LAYN: variants seen among roughly 807,000 people sequenced by gnomAD.
LAYN encodes the protein layilin.
LAYN carries 38 observed loss-of-function variants against 43.6 expected under a neutral mutation model. The ratio of observed to expected loss-of-function variants is 0.87; its 90% CI spans 0.67 to 1.14. The LOEUF (loss-of-function observed/expected upper bound fraction) is 1.14, where lower values mean the gene tolerates loss of function less well. Ranked by LOEUF, LAYN falls within the 50% of genes most tolerant of loss-of-function variation. The probability of loss-of-function intolerance (pLI) is 0.00; values close to 1 mark genes in which losing one functional copy is unlikely to be tolerated. For missense variants in LAYN, 479 were observed against 463.8 expected, an observed-to-expected ratio of 1.03 and a Z score of -0.30; for synonymous variants, 168 against 172.9, an observed-to-expected ratio of 0.97 and a Z score of 0.22.
intron 2 of LAYN, among the ~76,000 whole-genome samples, chr11:111,549,116 A>G (rs930974795): frequency 2.6e-5 from 4 of 152,154 alleles, no homozygotes; most frequent in East Asian, 3.8e-4. Flanking sequence ...GACAGCCTCT[A>G]TGTTTGGAAT....
Position 111,540,838 on chromosome 11 carries a change from C to G in LAYN, c.-6C>G, listed in dbSNP as rs1465391478. 1 of 1,522,574 alleles carries G rather than the reference C, an allele frequency of 6.6e-7. No individual in the cohort carries two copies. The highest frequency in any genetic ancestry group is 1.2e-5 in the South Asian group (1 of 82,730). The allele number at this position is 1,522,574 out of a possible 1,614,324, so 94.3% of individuals were successfully genotyped here. On this transcript the variant is annotated 5_prime_UTR_variant, in exon 1 of 7. Transcript: ENST00000375614. ...CGAGTGTCGGGGGGCGCACCCGAGT[C>G]GGGCCATGAGGCCGGGAACCGCGCT...
intron 2 of LAYN, among the ~76,000 whole-genome samples, chr11:111,544,699 C>G (rs1323372578): frequency 1.3e-5 from 2 of 152,186 alleles, no homozygotes; most frequent in African/African-American, 4.8e-5. Flanking sequence ...CATCAAGACT[C>G]ACTCATCCCC....
At chr11:111,546,615 G>GCAGTGGCAGA (rs1192225283) in intron 2 of LAYN, among the ~76,000 whole-genome samples, 1 of 152,254 alleles carries the variant, frequency 6.6e-6, no homozygotes, top group Non-Finnish European at 1.5e-5. Flanking sequence ...CTCTGGTCCA[G>GCAGTGGCAGA]CAGTGGCAGA....
intron 5 of LAYN, 103 bp from the exon 6 acceptor site, chr11:111,557,438 C>T: frequency 1.2e-6 from 1 of 850,278 alleles, no homozygotes. Flanking sequence ...TTTGGGGGTA[C>T]AAGTGGTTTT....
At position 111,560,581 on chromosome 11, in the gene LAYN, G is replaced by A. The variant is rs1591572722; in HGVS notation, c.*123G>A. On this transcript the variant is annotated 3_prime_UTR_variant, in exon 7 of 7. Transcript: ENST00000375614. ...AGCTTAGATCAGGTCCTGTGGATGA[G>A]CATGTGGTCCCCACGACCTCCTGTT... The A allele has an allele frequency of 8.9e-7, 1 of 1,126,180 alleles. No homozygotes were observed. Among genetic ancestry groups the A allele is most frequent in the Non-Finnish European group, 1.2e-6 (1 of 806,676 alleles). The allele number at this position is 1,126,180 out of a possible 1,614,324, so 69.8% of individuals were successfully genotyped here. A position where few individuals can be genotyped will look rare whatever the true frequency, so the allele number is the denominator to read the frequency against.
chr11:111,540,426 G>A (rs1361652938), upstream of LAYN: 3 of 209,712 alleles, frequency 1.4e-5, no homozygotes, highest in African/African-American at 2.4e-5. Context: ...GTGAGATGTG[G>A]TGCTAGTTTT....
rs1424681370 is a variant in LAYN at position 111,543,906 on chromosome 11, G to T, written c.86-17G>T. 1 of 1,591,946 alleles carries T rather than the reference G, an allele frequency of 6.3e-7. No individual in the cohort carries two copies. Among genetic ancestry groups the T allele is most frequent in the Non-Finnish European group, 8.5e-7 (1 of 1,171,660 alleles). ...CTTTTTGAGACACTGAAATAGATTGGCTTCTTTTTTCTCTAGGGCAGCCAG... is the reference window on the plus strand; with the variant it reads ...CTTTTTGAGACACTGAAATAGATTGTCTTCTTTTTTCTCTAGGGCAGCCAG... On this transcript the variant is annotated splice_polypyrimidine_tract_variant and intron_variant, in intron 1 of 6. Transcript: ENST00000375614.
Position 111,549,684 on chromosome 11 carries a change from G to C in LAYN, c.450G>C (p.Ser150=). 1 of 1,603,100 alleles carries C rather than the reference G, an allele frequency of 6.2e-7. No individual in the cohort carries two copies. The highest frequency in any genetic ancestry group is 8.5e-7 in the Non-Finnish European group (1 of 1,175,892). The change falls in exon 3 of 7, where the codon TCG becomes TCC. Residue 150 remains serine, a synonymous_variant. Transcript: ENST00000375614. ...EVCVVMYHQP[S]APAGIGGPYM... is the part of the protein sequence containing the mutation. ...GCGTGGTCATGTACCATCAGCCATC[G>C]GCACCCGCTGGCATCGGAGGCCCCT...
chr11:111,547,158 T>A (rs1011264636), intron 2 of LAYN, among the ~76,000 whole-genome samples: 2 of 152,228 alleles, frequency 1.3e-5, no homozygotes, highest in Non-Finnish European at 2.9e-5. Context: ...GTGCTATGCT[T>A]CATTCTTCAA....
chr11:111,541,451 C>A, intron 1 of LAYN: 1 of 1,079,166 alleles, frequency 9.3e-7, no homozygotes. Flanking sequence ...GTCGAGCGCC[C>A]GGTATGAGAG....
chr11:111,560,301 A>G lies in LAYN; in HGVS notation c.968A>G (p.Tyr323Cys). 1.9e-6 allele frequency: 3 copies of G among 1,614,220 alleles called. No individual in the cohort carries two copies. Among genetic ancestry groups the G allele is most frequent in the South Asian group, 2.2e-5 (2 of 91,082 alleles). Residue 323 changes from tyrosine to cysteine, a missense_variant, in exon 7 of 7, where the codon TAT becomes TGT. By Grantham distance (194) the Tyr-to-Cys change is radical (BLOSUM62 -2). Transcript: ENST00000375614. Reference protein sequence around the residue: ...EATPDDMSCDYDNMAVNPSES... With the variant: ...EATPDDMSCDCDNMAVNPSES... ...ACTCCCGATGACATGTCTTGTGACTATGACAACATGGCTGTGAACCCATCA... is the reference window on the plus strand; with the variant it reads ...ACTCCCGATGACATGTCTTGTGACTGTGACAACATGGCTGTGAACCCATCA...
intron 5 of LAYN, 27 bp from the exon 6 acceptor site, chr11:111,557,514 C>T: frequency 3.8e-6 from 6 of 1,572,012 alleles, no homozygotes; most frequent in Non-Finnish European, 5.3e-6. Flanking sequence ...ACAGCCAATG[C>T]TGATCATGTG....
chr11:111,554,230 T>C (rs1161368584), intron 3 of LAYN, among the ~76,000 whole-genome samples: 3 of 152,176 alleles, frequency 2.0e-5, no homozygotes, highest in Non-Finnish European at 4.4e-5. Context: ...AGCTGTACAT[T>C]GATAGGAGTT....
Position 111,549,563 on chromosome 11 carries a change from G to A in LAYN, c.384-55G>A, listed in dbSNP as rs1008975131. On this transcript the variant is annotated intron_variant, in intron 2 of 6. Transcript: ENST00000375614. ...GACTTGACGGGAAAACAAAGGCTTT[G>A]AAGTCTCAGGGGATCCTTCTCCAGT... The A allele has an allele frequency of 7.8e-6, 11 of 1,409,822 alleles. No individual in the cohort carries two copies. In the African/African-American group the frequency reaches 1.5e-4, roughly 19 times the overall value. The allele number at this position is 1,409,822 out of a possible 1,614,324, so 87.3% of individuals were successfully genotyped here.
chr11:111,561,024 TTC>T lies in LAYN; in HGVS notation c.*569_*570del, dbSNP rs1867947876. On this transcript the variant is annotated 3_prime_UTR_variant, in exon 7 of 7. Coordinates refer to ENST00000375614, the MANE Select transcript of LAYN (RefSeq NM_178834.5). ...GTGGCCACAGGGGACCTTTTTTTGTTTCTCCTGACATCCAGACTTGGAAATAT... is the reference window on the plus strand; with the variant it reads ...GTGGCCACAGGGGACCTTTTTTTGTTTCCTGACATCCAGACTTGGAAATAT... 1 of 152,668 alleles carries T rather than the reference TTC, an allele frequency of 6.6e-6. No individual in the cohort carries two copies. The highest frequency in any genetic ancestry group is 2.4e-5 in the African/African-American group (1 of 41,452). The allele number at this position is 152,668 out of a possible 1,614,324, so 9.5% of individuals were successfully genotyped here.
rs763981584 is a variant in LAYN at position 111,540,815 on chromosome 11, A to C, written c.-29A>C. ...GCCCGCTCCACCGCCGTAGCGCCCGAGTGTCGGGGGGCGCACCCGAGTCGG... is the reference window on the plus strand; with the variant it reads ...GCCCGCTCCACCGCCGTAGCGCCCGCGTGTCGGGGGGCGCACCCGAGTCGG... On this transcript the variant is annotated 5_prime_UTR_variant, in exon 1 of 7. Transcript: ENST00000375614. The C allele has an allele frequency of 4.8e-5, 73 of 1,512,770 alleles. No homozygotes were observed. Among genetic ancestry groups the C allele is most frequent in the Non-Finnish European group, 2.7e-5 (31 of 1,137,378 alleles). 93.7% of individuals were successfully genotyped at this position (1,512,770 alleles called of 1,614,324 possible).
chr11:111,543,851 G>A, intron 1 of LAYN, 72 bp from the exon 2 acceptor site: 3 of 1,434,692 alleles, frequency 2.1e-6, no homozygotes, highest in Non-Finnish European at 2.8e-6. Context: ...CCTTCCTTTG[G>A]ATGCCTCCAC....
At chr11:111,546,563 G>A (rs987054753) in intron 2 of LAYN, among the ~76,000 whole-genome samples, 1 of 152,204 alleles carries the variant, frequency 6.6e-6, no homozygotes, top group African/African-American at 2.4e-5. Flanking sequence ...CTAGTCACAA[G>A]GGATTCCTCC....
intron 2 of LAYN, 84 bp downstream of exon 2, chr11:111,544,304 G>A (rs2135790988): frequency 2.2e-6 from 3 of 1,394,826 alleles, no homozygotes; most frequent in East Asian, 4.7e-5. Flanking sequence ...CCAGATCAGT[G>A]GGGAAGAGAA....
Sources: gnomAD v4.1 joint callset for allele counts (sites outside exome capture counted in the v4.1 genomes callset) on GRCh38, gnomAD v4.1.1 for gene constraint, MANE v1.5 for transcripts, NCBI Gene and HGNC (gene_info 2026-07-23, HGNC 2026-07-21) for gene names.